The following CPNE3 variants were observed in gnomAD, a reference collection of about 807,000 sequenced individuals.
CPNE3 encodes copine 3.
Under a neutral mutation model 63.9 loss-of-function variants are expected in CPNE3, and 68 were observed. That is an observed-to-expected ratio of 1.06 (90% CI 0.87 to 1.30). The LOEUF is 1.30. CPNE3 is among the 50% of genes most tolerant of loss of function. The pLI, the probability that CPNE3 is intolerant of heterozygous loss-of-function variation, is 0.00. For missense variants in CPNE3, 665 were observed against 578.1 expected, an observed-to-expected ratio of 1.15 and a Z score of -1.54; for synonymous variants, 219 against 197.5, an observed-to-expected ratio of 1.11 and a Z score of -0.91.
intron 6 of CPNE3, among the ~76,000 whole-genome samples, chr8:86,537,062 A>G (rs1225430672): frequency 1.3e-5 from 2 of 152,220 alleles, no homozygotes; most frequent in Admixed American, 6.5e-5. Context: ...AGTTTTGGAC[A>G]TAGAAGGCTG....
intron 9 of CPNE3, 86 bp from the exon 10 acceptor site, chr8:86,546,509 A>T (rs1821053152): frequency 1.4e-6 from 2 of 1,399,784 alleles, no homozygotes; most frequent in Non-Finnish European, 2.0e-6. Context: ...TTGATTCTAA[A>T]GGAAAAAAAG....
chr8:86,533,024 TTATC>T (rs56759618), intron 6 of CPNE3, among the ~76,000 whole-genome samples: 3,252 of 145,588 alleles, frequency 0.022, 52 homozygotes, highest in African/African-American at 0.036. Context: ...TTTATCTATC[TTATC>T]TATCTATCTA....
intron 2 of CPNE3, among the ~76,000 whole-genome samples, chr8:86,526,223 G>A (rs1363093495): frequency 8.0e-5 from 12 of 150,474 alleles, no homozygotes; most frequent in Admixed American, 4.6e-4. Flanking sequence ...GCAAGACTCC[G>A]TCTCAAAAAA....
intron 2 of CPNE3, among the ~76,000 whole-genome samples, chr8:86,519,400 G>A (rs182305351): frequency 1.2e-3 from 190 of 152,200 alleles, no homozygotes; most frequent in Middle Eastern, 3.4e-3. Context: ...GCTTTCCTCC[G>A]TTCTGCATGT....
At chr8:86,524,621 C>T (rs1157784935) in intron 2 of CPNE3, 1 of 151,756 alleles carries the variant, frequency 6.6e-6, no homozygotes, top group Non-Finnish European at 1.5e-5. Flanking sequence ...GTGACTTATC[C>T]CAGCCAAATC....
chr8:86,544,409 A>G (rs1821004945), intron 8 of CPNE3, among the ~76,000 whole-genome samples: 1 of 152,216 alleles, frequency 6.6e-6, no homozygotes, highest in Admixed American at 6.5e-5. Flanking sequence ...GAAAGAAGAT[A>G]TAACTCCATT....
intron 8 of CPNE3, among the ~76,000 whole-genome samples, chr8:86,542,581 G>A (rs890851731): frequency 6.6e-6 from 1 of 151,394 alleles, no homozygotes; most frequent in East Asian, 1.9e-4. Flanking sequence ...TCCATTAAAT[G>A]TATATGAATA....
Position 86,520,428 on chromosome 8 carries a change from G to A in CPNE3, c.-11+4929G>A, listed in dbSNP as rs1044473322. On this transcript the variant is annotated intron_variant, in intron 2 of 16. Transcript: ENST00000517490. ...AAAATTAGCTGGGCGTGATGGCAGC[G>A]CCTGTAATCCCAGCAACTCAGGAGG... Among the ~76,000 whole-genome samples, 6 of 145,862 alleles carry A rather than the reference G, an allele frequency of 4.1e-5. No individual in the cohort carries two copies. The East Asian group carries it at 8.0e-4, about 19-fold the overall frequency.
At chr8:86,521,707 G>C (rs1820436930) in intron 2 of CPNE3, 1 of 152,090 alleles carries the variant, frequency 6.6e-6, no homozygotes. Flanking sequence ...CTAGCTTTGT[G>C]ATCCCATGTA....
chr8:86,536,862 G>A (rs559635097), intron 6 of CPNE3, among the ~76,000 whole-genome samples: 1 of 152,314 alleles, frequency 6.6e-6, no homozygotes, highest in African/African-American at 2.4e-5. Context: ...GTGGTTATGT[G>A]TGTATTGAGG....
Position 86,529,098 on chromosome 8 carries a change from G to T in CPNE3, c.286G>T (p.Gly96Trp). The T allele has an allele frequency of 6.2e-7, 1 of 1,613,830 alleles. No homozygotes were observed. Reference protein sequence around the residue: ...TIELSDDDFLGECECTLGQIV... With the variant: ...TIELSDDDFLWECECTLGQIV... ...TGAGCTGAGTGATGATGACTTCTTAGGGGAATGTGAATGTACCCTTGGACA... is the reference window on the plus strand; with the variant it reads ...TGAGCTGAGTGATGATGACTTCTTATGGGAATGTGAATGTACCCTTGGACA... Residue 96 changes from glycine (G) to tryptophan (W), a missense_variant, in exon 4 of 17, where the codon GGG (glycine) becomes TGG (tryptophan). Physicochemically the swap from Gly to Trp is radical, Grantham distance 184 (BLOSUM62 -2). Transcript: ENST00000517490.
At chr8:86,551,418 T>C in intron 14 of CPNE3, 184 bp downstream of exon 14, 1 of 580,952 alleles carries the variant, frequency 1.7e-6, no homozygotes, top group Non-Finnish European at 3.0e-6. Context: ...AGGTTGGTGG[T>C]TAGGGTGGTA....
intron 15 of CPNE3, among the ~76,000 whole-genome samples, chr8:86,555,550 C>T (rs1409861724): frequency 6.6e-6 from 1 of 152,150 alleles, no homozygotes; most frequent in Non-Finnish European, 1.5e-5. Context: ...CTATTCTAGA[C>T]TTAAATGGCC....
At chr8:86,531,724 T>G (rs745322901) in intron 5 of CPNE3, among the ~76,000 whole-genome samples, 3 of 152,156 alleles carry the variant, frequency 2.0e-5, no homozygotes, top group Non-Finnish European at 4.4e-5. Flanking sequence ...GGCTTTTCAT[T>G]GCTGATTACT....
At chr8:86,531,841 C>T (rs977949496) in intron 5 of CPNE3, among the ~76,000 whole-genome samples, 1 of 152,168 alleles carries the variant, frequency 6.6e-6, no homozygotes, top group African/African-American at 2.4e-5. Flanking sequence ...ATAACTGCTG[C>T]CTGGAGTGAT....
intron 6 of CPNE3, among the ~76,000 whole-genome samples, chr8:86,533,726 A>G (rs1820736382): frequency 6.6e-6 from 1 of 152,048 alleles, no homozygotes; most frequent in Non-Finnish European, 1.5e-5. Flanking sequence ...ACCCTTATCT[A>G]CTTTCTCTCC....
intron 12 of CPNE3, among the ~76,000 whole-genome samples, 200 bp from the exon 13 acceptor site, chr8:86,550,846 T>A (rs1344058903): frequency 6.6e-6 from 1 of 152,222 alleles, no homozygotes; most frequent in Non-Finnish European, 1.5e-5. Context: ...GAAACATTTT[T>A]CTTCCTCAGT....
At chr8:86,551,615 T>C (rs1821180547) in intron 14 of CPNE3, 1 of 158,892 alleles carries the variant, frequency 6.3e-6, no homozygotes, top group Non-Finnish European at 1.4e-5. Flanking sequence ...AATGAGTAAT[T>C]TGATATACAG....
At chr8:86,526,765 G>C (rs1159724465) in intron 2 of CPNE3, among the ~76,000 whole-genome samples, 3 of 152,190 alleles carry the variant, frequency 2.0e-5, no homozygotes, top group Admixed American at 6.5e-5. Flanking sequence ...ACCTGCCTTG[G>C]CCTCCCAAAG....
Sources: allele counts gnomAD v4.1 joint callset (sites outside exome capture counted in the v4.1 genomes callset), GRCh38; gene constraint gnomAD v4.1.1; transcripts MANE v1.5; gene names NCBI Gene and HGNC (gene_info 2026-07-23, HGNC 2026-07-21).